The following ERO1A variants were observed in gnomAD, a reference collection of about 807,000 sequenced individuals.
ERO1A encodes endoplasmic reticulum oxidoreductase 1 alpha, also known as ERO1-like protein alpha.
In ERO1A, 49 loss-of-function variants were observed where a neutral mutation model predicts 76.9. The ratio of observed to expected loss-of-function variants is 0.64; its 90% confidence interval spans 0.51 to 0.81. The LOEUF (loss-of-function observed/expected upper bound fraction) is 0.81, where lower values mean the gene tolerates loss of function less well. Among genes scored for constraint, ERO1A ranks in the 30% least tolerant of loss-of-function variants. The pLI is 0.00. For synonymous variants in ERO1A, 174 were observed against 181.2 expected (o/e 0.96, Z 0.32); for missense variants, 448 against 542.1 (o/e 0.83, Z 1.72).
At position 52,653,050 on chromosome 14, in the gene ERO1A, A is replaced by T; in HGVS notation, c.1055+19T>A. On this transcript the variant is annotated intron_variant, in intron 12 of 15. Transcript: ENST00000395686. Reference sequence around the variant, plus strand: ...TTGTCACTCTTCTATTAATGTATAAAGTTTAATATATAATTTACTTGATTT... The same window carrying T: ...TTGTCACTCTTCTATTAATGTATAATGTTTAATATATAATTTACTTGATTT... The T allele has an allele frequency of 6.9e-7, 1 of 1,445,852 alleles. No individual in the cohort carries two copies. The highest frequency in any genetic ancestry group is 9.6e-7 in the Non-Finnish European group (1 of 1,045,962). 89.6% of individuals were successfully genotyped at this position (1,445,852 alleles called of 1,614,324 possible).
intron 15 of ERO1A, among the ~76,000 whole-genome samples, chr14:52,644,117 G>A (rs1268909610): frequency 1.3e-5 from 2 of 152,030 alleles, no homozygotes; most frequent in Admixed American, 6.6e-5. Context: ...TCCAGCCTGG[G>A]CAACATAGCC....
intron 3 of ERO1A, among the ~76,000 whole-genome samples, chr14:52,680,082 CA>C (rs35358193): frequency 0.59 from 54,140 of 92,094 alleles, 14,182 homozygotes; most frequent in East Asian, 0.67. Context: ...AAAACACAAA[CA>C]AAAAAAAAAA....
In ERO1A at chr14:52,652,324, G is replaced by A. The variant is rs2039899044; in HGVS notation, c.1056-16C>T. On this transcript the variant is annotated splice_polypyrimidine_tract_variant and intron_variant, in intron 12 of 15. Transcript: ENST00000395686. The stretch of plus-strand genomic sequence containing the variant: ...AGGAAATGACCTGCGTTTTAAAACA[G>A]AGAATATTCATTTTCATGTGTTATA... The A allele has an allele frequency of 6.4e-7, 1 of 1,554,770 alleles. No individual in the cohort carries two copies. Among genetic ancestry groups the A allele is most frequent in the Non-Finnish European group, 8.9e-7 (1 of 1,126,664 alleles).
At chr14:52,654,570 T>C (rs1235697601) in intron 11 of ERO1A, among the ~76,000 whole-genome samples, 1 of 152,188 alleles carries the variant, frequency 6.6e-6, no homozygotes, top group Non-Finnish European at 1.5e-5. Flanking sequence ...CAGTACTTGC[T>C]GTGTAACGGA....
intron 6 of ERO1A, among the ~76,000 whole-genome samples, chr14:52,668,104 G>C (rs2040472503): frequency 6.6e-6 from 1 of 151,782 alleles, no homozygotes; most frequent in African/African-American, 2.4e-5. Flanking sequence ...AAAATAACTA[G>C]AAAAACAAAA....
intron 15 of ERO1A, among the ~76,000 whole-genome samples, chr14:52,643,884 T>A (rs73293006): frequency 0.061 from 9,276 of 152,202 alleles, 963 homozygotes; most frequent in African/African-American, 0.21. Context: ...ACTCCTGTAA[T>A]CCCAGTATTT....
chr14:52,680,118 G>C (rs1380901878), intron 3 of ERO1A, among the ~76,000 whole-genome samples: 1 of 145,120 alleles, frequency 6.9e-6, no homozygotes, highest in Admixed American at 6.9e-5. Flanking sequence ...GTATTGGCAT[G>C]AAAGGCATTC....
At chr14:52,684,636 A>G (rs1354311660) in intron 1 of ERO1A, among the ~76,000 whole-genome samples, 2 of 152,182 alleles carry the variant, frequency 1.3e-5, no homozygotes, top group Non-Finnish European at 2.9e-5. Flanking sequence ...ACCATTTATC[A>G]TTAGTAACAA....
intron 6 of ERO1A, among the ~76,000 whole-genome samples, chr14:52,668,721 A>G (rs1202409456): frequency 1.3e-5 from 2 of 149,480 alleles, no homozygotes; most frequent in African/African-American, 2.4e-5. Flanking sequence ...TTCTTCTTCA[A>G]GCTTATAAAA....
chr14:52,692,487 C>A (rs758929118), intron 1 of ERO1A, among the ~76,000 whole-genome samples: 1 of 152,138 alleles, frequency 6.6e-6, no homozygotes, highest in African/African-American at 2.4e-5. Flanking sequence ...AAAACTATTA[C>A]CAAAACAATC....
At chr14:52,670,321 AG>A (rs1197213690) in intron 6 of ERO1A, among the ~76,000 whole-genome samples, 1 of 152,246 alleles carries the variant, frequency 6.6e-6, no homozygotes, top group Non-Finnish European at 1.5e-5. Context: ...ACTTAGAAAA[AG>A]GAAATACTAG....
intron 7 of ERO1A, chr14:52,664,173 A>G (rs2040325926): frequency 6.2e-6 from 1 of 162,466 alleles, no homozygotes; most frequent in Non-Finnish European, 1.3e-5. Flanking sequence ...ATCTATGTAT[A>G]TGTGTGTGTG....
intron 1 of ERO1A, among the ~76,000 whole-genome samples, chr14:52,692,166 T>C (rs958136774): frequency 3.9e-5 from 6 of 152,238 alleles, no homozygotes; most frequent in Admixed American, 6.5e-5. Context: ...CTAGGACTTG[T>C]TGAGCACCAA....
chr14:52,654,891 T>C (rs575073366), intron 11 of ERO1A, among the ~76,000 whole-genome samples: 3 of 152,340 alleles, frequency 2.0e-5, no homozygotes, highest in South Asian at 2.1e-4. Context: ...CATGGTACTT[T>C]GTAGGTTTTG....
chr14:52,662,704 G>T (rs1349536913), intron 8 of ERO1A, among the ~76,000 whole-genome samples: 2 of 152,178 alleles, frequency 1.3e-5, no homozygotes, highest in African/African-American at 4.8e-5. Context: ...TGCCTAGCAG[G>T]TAGTAAATGG....
chr14:52,675,386 A>C (rs1448569612), intron 4 of ERO1A, among the ~76,000 whole-genome samples: 1 of 142,368 alleles, frequency 7.0e-6, no homozygotes, highest in African/African-American at 2.5e-5. Flanking sequence ...ACTCCGTCTC[A>C]AAAAAAAAAA....
chr14:52,641,694 C>T lies in ERO1A; in HGVS notation c.*1876G>A, dbSNP rs1052247328. The T allele has an allele frequency of 6.6e-6, 1 of 152,070 alleles. No homozygotes were observed. The highest frequency in any genetic ancestry group is 2.4e-5 in the African/African-American group (1 of 41,408). The allele number at this position is 152,070 out of a possible 1,614,324, so 9.4% of individuals were successfully genotyped here. ...CAAAAAATGGCCATTTGAACCCACA[C>T]TGTATTTATATTTTATATAGAGTGA... On this transcript the variant is annotated 3_prime_UTR_variant, in exon 16 of 16. Coordinates refer to ENST00000395686, the MANE Select transcript of ERO1A (RefSeq NM_014584.3).
chr14:52,658,219 A>C (rs2139666436), intron 9 of ERO1A, 69 bp from the exon 10 acceptor site: 1 of 1,112,698 alleles, frequency 9.0e-7, no homozygotes, highest in Non-Finnish European at 1.3e-6. Context: ...CAAAAGTTTT[A>C]AAGCATTATA....
chr14:52,676,682 G>C (rs550421563), intron 4 of ERO1A, among the ~76,000 whole-genome samples: 5 of 152,198 alleles, frequency 3.3e-5, no homozygotes, highest in African/African-American at 1.2e-4. Context: ...ATTAAAGTCA[G>C]AACTCTATTT....
Sources: allele counts gnomAD v4.1 joint callset (sites outside exome capture counted in the v4.1 genomes callset), GRCh38; gene constraint gnomAD v4.1.1; transcripts MANE v1.5; gene names NCBI Gene and HGNC (gene_info 2026-07-23, HGNC 2026-07-21).